The following DCLRE1A variants were observed in gnomAD, a reference collection of about 807,000 sequenced individuals.
DCLRE1A encodes DNA cross-link repair 1A protein.
In DCLRE1A, 64 loss-of-function variants were observed where a neutral mutation model predicts 91.9. That is an observed-to-expected ratio of 0.70 (90% confidence interval 0.57 to 0.86). The LOEUF (loss-of-function observed/expected upper bound fraction) is 0.86. Ranked by LOEUF, DCLRE1A falls within the 40% of genes least tolerant of loss-of-function variation. DCLRE1A has a pLI of 0.00. For synonymous variants in DCLRE1A, 416 were observed against 431.1 expected, an observed-to-expected ratio of 0.96 and a Z score of 0.43; for missense variants, 1,145 against 1,213.3, an observed-to-expected ratio of 0.94 and a Z score of 0.84.
rs774174818 is a variant in DCLRE1A, at chr10:113,849,572, C to G, written c.1533G>C (p.Glu511Asp). 8.7e-6 allele frequency: 14 copies of G among 1,613,800 alleles called. No homozygotes were observed. Among genetic ancestry groups the G allele is most frequent in the Non-Finnish European group, 1.2e-5 (14 of 1,180,016 alleles). ...NSACFCRKAL[E>D]GVPVGKATIL... ...TTGTAGCTTTACCAACTGGCACACC[C>G]TCTAATGCCTTTCTGCAGAAACATG... Residue 511 changes from glutamate (E) to aspartate (D), a missense_variant, in exon 2 of 9, where the codon GAG (glutamate) becomes GAC (aspartate). Coordinates refer to ENST00000361384, the MANE Select transcript of DCLRE1A (RefSeq NM_014881.5).
rs750872089 is a variant in DCLRE1A, at chr10:113,845,667, G to A, written c.2378+18C>T. 4 of 1,581,100 alleles carry A rather than the reference G, an allele frequency of 2.5e-6. No homozygotes were observed. In the Admixed American group the frequency reaches 6.7e-5, roughly 26 times the overall value. ...GAACATTTAAAAAATGTGCTATTAA[G>A]ATGACTTTAATACTTACTGATTGGC... On this transcript the variant is annotated intron_variant, in intron 4 of 8. Coordinates refer to ENST00000361384, the MANE Select transcript of DCLRE1A (RefSeq NM_014881.5).
intron 7 of DCLRE1A, 139 bp downstream of exon 7, chr10:113,841,267 T>A: frequency 1.1e-6 from 1 of 917,070 alleles, no homozygotes; most frequent in East Asian, 2.8e-5. Flanking sequence ...CATTTAAAAT[T>A]CCTCTTAAAA....
Position 113,847,301 on chromosome 10 carries a change from G to C in DCLRE1A, c.2160C>G (p.Gly720=), listed in dbSNP as rs374319129. ...TGFTVDAFQY[G]VVEGCTAYFL... ...AATAGGCTGTGCAACCTTCAACCAC[G>C]CCATACTGAAAGGCATCAACTGTAA... Residue 720 remains glycine, a synonymous_variant, in exon 3 of 9, where the codon GGC becomes GGG. Coordinates refer to ENST00000361384, the MANE Select transcript of DCLRE1A (RefSeq NM_014881.5). 6 of 1,613,750 alleles carry C rather than the reference G, an allele frequency of 3.7e-6. No individual in the cohort carries two copies. The highest frequency in any genetic ancestry group is 5.1e-6 in the Non-Finnish European group (6 of 1,179,894).
At chr10:113,840,035 T>A (rs2134649770) in intron 7 of DCLRE1A, among the ~76,000 whole-genome samples, 1 of 152,270 alleles carries the variant, frequency 6.6e-6, no homozygotes, top group South Asian at 2.1e-4. Context: ...GGCTCACACC[T>A]GTAATATCAG....
intron 1 of DCLRE1A, among the ~76,000 whole-genome samples, chr10:113,852,119 G>A (rs556761705): frequency 2.6e-4 from 40 of 152,248 alleles, no homozygotes; most frequent in African/African-American, 8.4e-4. Flanking sequence ...GGCAGATCAC[G>A]AGGTCAGGAG....
intron 5 of DCLRE1A, among the ~76,000 whole-genome samples, chr10:113,843,897 TCA>T (rs1845486210): frequency 6.6e-6 from 1 of 152,212 alleles, no homozygotes; most frequent in Non-Finnish European, 1.5e-5. Context: ...CAAAAATAAA[TCA>T]CACAAAAAAA....
Position 113,849,856 on chromosome 10 carries a change from T to G in DCLRE1A, c.1249A>C (p.Lys417Gln). 2 of 1,613,946 alleles carry G rather than the reference T, an allele frequency of 1.2e-6. No individual in the cohort carries two copies. Among genetic ancestry groups the G allele is most frequent in the South Asian group, 2.2e-5 (2 of 91,084 alleles). ...FVLFPPALAG[K>Q]LAASVHQATK... ...GCCTGATGAACAGAAGCAGCAAGCT[T>G]CCCTGCCAATGCAGGTGGAAACAAC... is the stretch of plus-strand genomic sequence containing the variant. Residue 417 changes from lysine to glutamine, a missense_variant, in exon 2 of 9, where the codon AAG becomes CAG. Lys to Gln is a moderately conservative substitution (Grantham distance 53, BLOSUM62 1). Transcript: ENST00000361384.
At chr10:113,838,693 A>G (rs976751708) in intron 7 of DCLRE1A, among the ~76,000 whole-genome samples, 1 of 152,242 alleles carries the variant, frequency 6.6e-6, no homozygotes, top group African/African-American at 2.4e-5. Flanking sequence ...AAACACTTTT[A>G]GCAATGTTAC....
In DCLRE1A at chr10:113,852,901, C is replaced by T; in HGVS notation, c.282G>A (p.Lys94=). ...TACAGAGTTTTCCTGGAGTAGTTTC[C>T]TTGTCTTGGGTCTGCTGAATACCAT... ...CGDGIQQTQD[K]ETTPGKLCRT... Residue 94 remains lysine (K), a synonymous_variant, in exon 1 of 9, where the codon AAG becomes AAA. Coordinates refer to ENST00000361384, the MANE Select transcript of DCLRE1A (RefSeq NM_014881.5). 5 of 1,614,094 alleles carry T rather than the reference C, an allele frequency of 3.1e-6. No individual in the cohort carries two copies. The highest frequency in any genetic ancestry group is 4.2e-6 in the Non-Finnish European group (5 of 1,180,008).
Position 113,849,891 on chromosome 10 carries a change from C to A in DCLRE1A, c.1214G>T (p.Gly405Val), listed in dbSNP as rs2134668213. 6.2e-7 allele frequency: 1 copy of A among 1,613,932 alleles called. No individual in the cohort carries two copies. The highest frequency in any genetic ancestry group is 8.5e-7 in the Non-Finnish European group (1 of 1,180,022). The part of the protein sequence containing the change: ...TLPYDLACTG[G>V]DFVLFPPALA... ...TGCAGGTGGAAACAACACAAAATCA[C>A]CACCAGTACATGCCAGATCATAAGG... Residue 405 changes from glycine (G) to valine (V), a missense_variant, in exon 2 of 9, where the codon GGT becomes GTT. Gly to Val is a moderately radical substitution (Grantham distance 109). Coordinates refer to ENST00000361384, the MANE Select transcript of DCLRE1A (RefSeq NM_014881.5).
At chr10:113,844,052 G>C (rs907427842) in intron 5 of DCLRE1A, 52 bp downstream of exon 5, 8 of 1,607,040 alleles carry the variant, frequency 5.0e-6, no homozygotes, top group Non-Finnish European at 5.9e-6. Flanking sequence ...ATAATACAGA[G>C]AGCAAAGGCT....
Position 113,845,737 on chromosome 10 carries a change from C to T in DCLRE1A, c.2326G>A (p.Asp776Asn). 6.2e-7 allele frequency: 1 copy of T among 1,614,112 alleles called. No homozygotes were observed. The highest frequency in any genetic ancestry group is 8.5e-7 in the Non-Finnish European group (1 of 1,180,008). The change falls in exon 4 of 9, where the codon GAC (aspartate) becomes AAC (asparagine). Residue 776 changes from aspartate to asparagine, a missense_variant. Coordinates refer to ENST00000361384, the MANE Select transcript of DCLRE1A (RefSeq NM_014881.5). Reference protein sequence around the residue: ...QEQYIHPLPLDTECIVNGVKV... With the variant: ...QEQYIHPLPLNTECIVNGVKV... ...ACACCATTCACAATACATTCAGTGTCCAGTGGCAATGGGTGAATATATTGT... is the reference window on the plus strand; with the variant it reads ...ACACCATTCACAATACATTCAGTGTTCAGTGGCAATGGGTGAATATATTGT...
chr10:113,849,005 T>A lies in DCLRE1A; in HGVS notation c.2100A>T (p.Thr700=), dbSNP rs776205452. ...SSNVGGSRKK[T]CPFYKKIPGT... is the part of the protein sequence containing the mutation. The stretch of plus-strand genomic sequence containing the variant: ...CAGGTATTTTCTTATAGAATGGACA[T>A]GTCTTTTTTCTTGATCCTCCTACAT... Residue 700 remains threonine, a synonymous_variant, in exon 2 of 9, where the codon ACA becomes ACT. Coordinates refer to ENST00000361384, the MANE Select transcript of DCLRE1A (RefSeq NM_014881.5). 1.2e-6 allele frequency: 2 copies of A among 1,613,498 alleles called. No homozygotes were observed. The highest frequency in any genetic ancestry group is 1.7e-6 in the Non-Finnish European group (2 of 1,179,798).
chr10:113,837,735 A>C (rs1054674717), intron 7 of DCLRE1A, among the ~76,000 whole-genome samples: 2 of 152,200 alleles, frequency 1.3e-5, no homozygotes, highest in African/African-American at 4.8e-5. Context: ...AACTAGATTT[A>C]TTTTAAAACT....
In DCLRE1A at chr10:113,840,294, C is replaced by CA. The variant is rs10716416; in HGVS notation, c.2820+1111dup. ...GGGCAACAGGGCGAGACTCTGTCTC[C>CA]AAAAAAAAAAAAAACAACAAAAAAA... On this transcript the variant is annotated intron_variant, in intron 7 of 8. Transcript: ENST00000361384. Among the ~76,000 whole-genome samples the CA allele has an allele frequency of 1.5e-3, 189 of 121,988 alleles. 1 individual carries two copies. Among genetic ancestry groups the CA allele is most frequent in the African/African-American group, 4.3e-3 (139 of 32,662 alleles). 80.0% of individuals were successfully genotyped at this position (121,988 alleles called of 152,430 possible). A position where few individuals can be genotyped will look rare whatever the true frequency, so the allele number is the denominator to read the frequency against.
chr10:113,851,884 A>AT (rs1222132174), intron 1 of DCLRE1A, among the ~76,000 whole-genome samples: 2 of 151,846 alleles, frequency 1.3e-5, no homozygotes, highest in African/African-American at 2.4e-5. Context: ...ATTTTTGGTA[A>AT]TTTTTTTTGT....
At position 113,841,521 on chromosome 10, in the gene DCLRE1A, T is replaced by C. The variant is rs2134652575; in HGVS notation, c.2705A>G (p.Gln902Arg). The C allele has an allele frequency of 6.2e-7, 1 of 1,612,664 alleles. No homozygotes were observed. Among genetic ancestry groups the C allele is most frequent in the Non-Finnish European group, 8.5e-7 (1 of 1,179,410 alleles). The change falls in exon 7 of 9, where the codon CAG becomes CGG. Residue 902 changes from glutamine (Q) to arginine (R), a missense_variant. By Grantham distance (43) the Gln-to-Arg change is conservative. Transcript: ENST00000361384. ...DVLGSKVGMS[Q>R]EKYKTLQCLN... is the part of the protein sequence containing the mutation. ...GCACTGTAGAGTTTTATATTTTTCC[T>C]GGGACATGCCCACTTTTGAACCTAA...
chr10:113,848,381 G>A (rs1261533442), intron 2 of DCLRE1A, among the ~76,000 whole-genome samples: 1 of 152,130 alleles, frequency 6.6e-6, no homozygotes, highest in Admixed American at 6.5e-5. Context: ...CTGATGTTAT[G>A]AAGTATATAA....
intron 3 of DCLRE1A, 30 bp downstream of exon 3, chr10:113,847,172 A>G (rs1360312688): frequency 1.3e-6 from 2 of 1,548,156 alleles, no homozygotes; most frequent in Non-Finnish European, 1.8e-6. Context: ...AGCATTCTAC[A>G]AAGTCAAAAG....
Sources: gnomAD v4.1 joint callset for allele counts (sites outside exome capture counted in the v4.1 genomes callset) on GRCh38, gnomAD v4.1.1 for gene constraint, MANE v1.5 for transcripts, NCBI Gene and HGNC (gene_info 2026-07-23, HGNC 2026-07-21) for gene names.